The following GYG2 variants were observed in gnomAD, a reference collection of about 807,000 sequenced individuals.
GYG2 encodes the protein glycogenin 2.
Under a neutral mutation model 29.4 loss-of-function variants are expected in GYG2, and 29 were observed. The observed-to-expected ratio is 0.99, with a 90% CI of 0.74 to 1.35. The LOEUF (loss-of-function observed/expected upper bound fraction) is 1.35. Among genes scored for constraint, GYG2 ranks in the 40% most tolerant of loss-of-function variants. The pLI, the probability that GYG2 is intolerant of heterozygous loss-of-function variation, is 0.00. For synonymous variants in GYG2, 167 were observed against 172.3 expected (o/e 0.97, Z 0.24); for missense variants, 370 against 385.7 (o/e 0.96, Z 0.34).
At chrX:2,854,777 C>T (rs2087941792) in intron 4 of GYG2, among the ~76,000 whole-genome samples, 1 of 111,239 alleles carries the variant, frequency 9.0e-6, no homozygotes, top group South Asian at 3.8e-4. Flanking sequence ...ACTAAAAATA[C>T]AAAAATTAGC....
intron 2 of GYG2, among the ~76,000 whole-genome samples, chrX:2,842,680 G>C (rs2087529529): frequency 9.0e-6 from 1 of 111,499 alleles, no homozygotes; most frequent in Non-Finnish European, 1.9e-5. Flanking sequence ...TGCAGCATCA[G>C]GAAATGGGCA....
chrX:2,870,265 G>GA (rs1467412722), intron 8 of GYG2, among the ~76,000 whole-genome samples: 1 of 110,260 alleles, frequency 9.1e-6, no homozygotes, highest in Non-Finnish European at 1.9e-5. Flanking sequence ...GCACTGGTGC[G>GA]ATCTCGGCTC....
chrX:2,855,693 G>A (rs1476683385), intron 5 of GYG2, among the ~76,000 whole-genome samples: 1 of 111,664 alleles, frequency 9.0e-6, no homozygotes, highest in African/African-American at 3.3e-5. Flanking sequence ...TTCAAGACCG[G>A]GGTGGGCAGA....
At chrX:2,850,275 G>A (rs897327337) in intron 3 of GYG2, among the ~76,000 whole-genome samples, 3 of 111,920 alleles carry the variant, frequency 2.7e-5, no homozygotes, top group Non-Finnish European at 5.6e-5. Flanking sequence ...CACATGGGAG[G>A]TAATTGAAAG....
In GYG2 at chrX:2,837,838, T is replaced by TACAC. The variant is rs10578668; in HGVS notation, c.8-5347_8-5344dup. 3.9e-3 allele frequency among the ~76,000 whole-genome samples: 396 copies of TACAC among 100,330 alleles called. 1 individual carries two copies. The highest frequency in any genetic ancestry group is 0.013 in the African/African-American group (352 of 27,310). The allele number at this position is 100,330 out of a possible 115,157, so 87.1% of individuals were successfully genotyped here. On this transcript the variant is annotated intron_variant, in intron 2 of 10. Coordinates refer to ENST00000398806, the MANE Select transcript of GYG2 (RefSeq NM_001079855.2). The stretch of plus-strand genomic sequence containing the variant: ...CTTTGCCATCTGCTTTGCAATTAAA[T>TACAC]ACACACACACACACACACACACACA...
intron 3 of GYG2, among the ~76,000 whole-genome samples, chrX:2,844,532 A>G (rs776222286): frequency 2.3e-5 from 1 of 43,825 alleles, no homozygotes; most frequent in African/African-American, 1.1e-4. Context: ...ACGCATGCGT[A>G]TATATGTGTA....
At chrX:2,839,884 G>T (rs2147140411) in intron 2 of GYG2, among the ~76,000 whole-genome samples, 1 of 112,466 alleles carries the variant, frequency 8.9e-6, no homozygotes, top group African/African-American at 3.2e-5. Context: ...CGGACTCATG[G>T]TTGCCAGAAT....
intron 8 of GYG2, 46 bp downstream of exon 8, chrX:2,861,768 C>T (rs763522475): frequency 6.1e-5 from 61 of 993,053 alleles, no homozygotes; most frequent in East Asian, 6.0e-4. Context: ...GACGCTGGCT[C>T]GCAGTGAGAG....
At chrX:2,841,748 C>T (rs934516239) in intron 2 of GYG2, among the ~76,000 whole-genome samples, 6 of 111,583 alleles carry the variant, frequency 5.4e-5, no homozygotes, top group East Asian at 2.8e-4. Context: ...GTGCTGCTTC[C>T]GGGAAAGGCG....
chrX:2,840,000 C>T (rs751006203), intron 2 of GYG2, among the ~76,000 whole-genome samples: 5 of 111,833 alleles, frequency 4.5e-5, no homozygotes, highest in African/African-American at 1.6e-4. Context: ...GGACTAAATG[C>T]GAGTCACTTG....
intron 8 of GYG2, among the ~76,000 whole-genome samples, chrX:2,872,039 CCT>C (rs1396195447): frequency 1.8e-5 from 2 of 111,402 alleles, no homozygotes; most frequent in Admixed American, 1.9e-4. Flanking sequence ...TTTACGATGT[CCT>C]CTCTCAGCTT....
chrX:2,870,554 G>C (rs1603460235), intron 8 of GYG2, among the ~76,000 whole-genome samples: 2 of 111,620 alleles, frequency 1.8e-5, no homozygotes, highest in South Asian at 3.8e-4. Context: ...CTATGACACA[G>C]TTATCTGCAT....
chrX:2,870,100 G>T (rs2088424194), intron 8 of GYG2, among the ~76,000 whole-genome samples: 1 of 100,965 alleles, frequency 9.9e-6, no homozygotes, highest in African/African-American at 3.6e-5. Flanking sequence ...ATGTCCTTCA[G>T]TTTTTTTTTT....
intron 10 of GYG2, among the ~76,000 whole-genome samples, chrX:2,879,476 C>T (rs1394497382): frequency 2.7e-5 from 3 of 111,078 alleles, no homozygotes; most frequent in African/African-American, 6.5e-5. Context: ...CCATGTTGGC[C>T]GGGCTGGTCT....
At chrX:2,854,188 T>G (rs1373422140) in intron 4 of GYG2, 34 bp downstream of exon 4, 2 of 1,029,682 alleles carry the variant, frequency 1.9e-6, no homozygotes, top group Non-Finnish European at 2.7e-6. Context: ...TAGGAAACCC[T>G]CCAAGACCAC....
intron 4 of GYG2, among the ~76,000 whole-genome samples, 154 bp downstream of exon 4, chrX:2,854,308 G>A (rs1467871595): frequency 6.3e-5 from 7 of 111,409 alleles, no homozygotes; most frequent in African/African-American, 2.3e-4. Flanking sequence ...TGCAACCTCC[G>A]CCTCCTGAGT....
At position 2,861,575 on chromosome X, in the gene GYG2, A is replaced by T. The variant is rs772137764; in HGVS notation, c.891A>T (p.Gly297=). 1.7e-6 allele frequency: 2 copies of T among 1,209,131 alleles called. No homozygotes were observed. Among genetic ancestry groups the T allele is most frequent in the Admixed American group, 4.4e-5 (2 of 45,950 alleles). Residue 297 remains glycine (G), a synonymous_variant, in exon 8 of 11, where the codon GGA becomes GGT. Coordinates refer to ENST00000398806, the MANE Select transcript of GYG2 (RefSeq NM_001079855.2). ...GPCADSASGV[G]EPCENSTPSA... ...GTGCGGATTCAGCCTCTGGTGTTGG[A>T]GAGCCGTGTGAAAATTCAACACCCA...
At chrX:2,831,867 T>G in intron 2 of GYG2, among the ~76,000 whole-genome samples, 3 of 112,343 alleles carry the variant, frequency 2.7e-5, no homozygotes. Flanking sequence ...TCTCAGCCAC[T>G]GTAATCTCCA....
chrX:2,865,942 G>C (rs777669924), intron 8 of GYG2, among the ~76,000 whole-genome samples: 3 of 111,659 alleles, frequency 2.7e-5, no homozygotes, highest in Non-Finnish European at 3.8e-5. Context: ...CCCCGTCCAT[G>C]TTTTTGCAGT....
Sources: gnomAD v4.1 joint callset for allele counts (sites outside exome capture counted in the v4.1 genomes callset) on GRCh38, gnomAD v4.1.1 for gene constraint, MANE v1.5 for transcripts, NCBI Gene and HGNC (gene_info 2026-07-23, HGNC 2026-07-21) for gene names.